The following HNF4G variants were observed in gnomAD, a reference collection of about 807,000 sequenced individuals.
HNF4G encodes the protein hepatocyte nuclear factor 4-gamma.
HNF4G carries 21 observed loss-of-function variants against 50.9 expected under a neutral mutation model. The observed-to-expected ratio is 0.41, with a 90% CI of 0.29 to 0.59. HNF4G has a LOEUF of 0.59. Ranked by LOEUF, HNF4G falls within the 20% of genes least tolerant of loss-of-function variation. HNF4G has a pLI of 0.26. For missense variants in HNF4G, 527 were observed against 559.4 expected, an observed-to-expected ratio of 0.94 and a Z score of 0.58; for synonymous variants, 198 against 185.6, an observed-to-expected ratio of 1.07 and a Z score of -0.54.
chr8:75,547,583 A>G lies in HNF4G; in HGVS notation c.288-4A>G, dbSNP rs1402012745. On this transcript the variant is annotated splice_polypyrimidine_tract_variant and splice_region_variant and intron_variant, in intron 2 of 9. Coordinates refer to ENST00000396423, the MANE Select transcript of HNF4G (RefSeq NM_004133.5). The stretch of plus-strand genomic sequence containing the variant: ...CTGCAAACTGATATATCTTTATGTT[A>G]TAGGTTCAGTCGGCAATGTGTTGTT... 6.3e-7 allele frequency: 1 copy of G among 1,586,690 alleles called. No homozygotes were observed. Among genetic ancestry groups the G allele is most frequent in the African/African-American group, 1.3e-5 (1 of 74,264 alleles).
chr8:75,519,528 C>T (rs536043397), intron 2 of HNF4G, among the ~76,000 whole-genome samples: 1 of 152,304 alleles, frequency 6.6e-6, no homozygotes, highest in African/African-American at 2.4e-5. Context: ...AATGGGCTCA[C>T]AGTTCCACGT....
intron 1 of HNF4G, among the ~76,000 whole-genome samples, chr8:75,432,636 C>A (rs936210249): frequency 1.3e-5 from 2 of 152,146 alleles, no homozygotes; most frequent in African/African-American, 4.8e-5. Flanking sequence ...AAAGGAAATT[C>A]TCAAGCAAAA....
chr8:75,468,393 G>A (rs2063213610), intron 1 of HNF4G, among the ~76,000 whole-genome samples: 1 of 152,018 alleles, frequency 6.6e-6, no homozygotes, highest in African/African-American at 2.4e-5. Flanking sequence ...GAATTAAAAG[G>A]TCAACATAAA....
intron 2 of HNF4G, among the ~76,000 whole-genome samples, chr8:75,510,340 A>G (rs1805717277): frequency 6.6e-6 from 1 of 152,190 alleles, no homozygotes; most frequent in Non-Finnish European, 1.5e-5. Flanking sequence ...TGTTATAGTA[A>G]GTTAAGGTTA....
chr8:75,520,062 C>T (rs1417306310), intron 2 of HNF4G, among the ~76,000 whole-genome samples: 3 of 151,476 alleles, frequency 2.0e-5, no homozygotes, highest in Non-Finnish European at 4.4e-5. Context: ...CATTTTACTT[C>T]TTTTGTTTAC....
intron 1 of HNF4G, among the ~76,000 whole-genome samples, 179 bp from the exon 2 acceptor site, chr8:75,543,632 G>C (rs542486565): frequency 6.6e-6 from 1 of 152,224 alleles, no homozygotes; most frequent in East Asian, 1.9e-4. Context: ...TAAATGTTCA[G>C]AAATAAGAAA....
At position 75,565,901 on chromosome 8, in the gene HNF4G, T is replaced by C. The variant is rs1563558925; in HGVS notation, c.*1805T>C. ...TTGTGAAACTGTAAAATATATCATA[T>C]GGGGGGAGTTTTTTAACTCTTATTT... On this transcript the variant is annotated 3_prime_UTR_variant, in exon 10 of 10. Transcript: ENST00000396423. 4.6e-5 allele frequency: 7 copies of C among 152,114 alleles called. No individual in the cohort carries two copies. Among genetic ancestry groups the C allele is most frequent in the Non-Finnish European group, 1.5e-5 (1 of 68,018 alleles). 9.4% of individuals were successfully genotyped at this position (152,114 alleles called of 1,614,324 possible).
intron 1 of HNF4G, among the ~76,000 whole-genome samples, chr8:75,481,888 T>C (rs1812388962): frequency 6.6e-6 from 1 of 152,198 alleles, no homozygotes; most frequent in Non-Finnish European, 1.5e-5. Flanking sequence ...GACTCTGGAC[T>C]GCATACCCTG....
At chr8:75,512,681 G>T (rs1805790264) in intron 2 of HNF4G, among the ~76,000 whole-genome samples, 1 of 151,842 alleles carries the variant, frequency 6.6e-6, no homozygotes, top group African/African-American at 2.4e-5. Context: ...AGCCAGGATG[G>T]TCTCGATATC....
chr8:75,515,123 G>C (rs1002938468), intron 2 of HNF4G, among the ~76,000 whole-genome samples: 6 of 152,140 alleles, frequency 3.9e-5, no homozygotes, highest in African/African-American at 1.4e-4. Context: ...TCTTTCCAGT[G>C]TTCCATTGCT....
chr8:75,443,817 A>G (rs1811351573), intron 1 of HNF4G, among the ~76,000 whole-genome samples: 1 of 152,190 alleles, frequency 6.6e-6, no homozygotes, highest in South Asian at 2.1e-4. Flanking sequence ...TCATTTGACC[A>G]AATAAAATTT....
chr8:75,519,126 A>G (rs1805972756), intron 2 of HNF4G, among the ~76,000 whole-genome samples: 2 of 152,230 alleles, frequency 1.3e-5, no homozygotes, highest in Admixed American at 1.3e-4. Context: ...AAAGTTCCAC[A>G]GATCTCTAGG....
Position 75,501,186 on chromosome 8 carries a change from T to A in HNF4G, c.-24+10978T>A, listed in dbSNP as rs531974238. On this transcript the variant is annotated intron_variant, in intron 2 of 10. Coordinates refer to the HNF4G transcript ENST00000354370. ...TGGCCAAGGTGGCTCATACCAGTAATCCCAGCACATTGGGAGGCCAATGTG... is the reference window on the plus strand; with the variant it reads ...TGGCCAAGGTGGCTCATACCAGTAAACCCAGCACATTGGGAGGCCAATGTG... Among the ~76,000 whole-genome samples, 4 of 152,212 alleles carry A rather than the reference T, an allele frequency of 2.6e-5. No homozygotes were observed. The South Asian group carries it at 8.3e-4, about 32-fold the overall frequency.
At chr8:75,493,155 A>C (rs1327803948) in intron 2 of HNF4G, among the ~76,000 whole-genome samples, 1 of 152,106 alleles carries the variant, frequency 6.6e-6, no homozygotes, top group Non-Finnish European at 1.5e-5. Flanking sequence ...TATTTAGTAA[A>C]ATTTGGGAAG....
intron 9 of HNF4G, among the ~76,000 whole-genome samples, chr8:75,561,312 G>T (rs547218216): frequency 6.6e-6 from 1 of 152,096 alleles, no homozygotes; most frequent in Non-Finnish European, 1.5e-5. Context: ...CAACAGCAGC[G>T]GCAACATTCC....
chr8:75,513,832 T>A (rs1805818248), intron 2 of HNF4G, among the ~76,000 whole-genome samples: 1 of 151,676 alleles, frequency 6.6e-6, no homozygotes, highest in South Asian at 2.1e-4. Context: ...TTATATTTTT[T>A]ATTTCTGATT....
In HNF4G at chr8:75,558,993, G is replaced by A; in HGVS notation, c.1079G>A (p.Gly360Glu). ...IEQIQFVKLF[G>E]MVKIDNLLQE... ...CAAATACAGTTTGTTAAACTTTTTG[G>A]GATGGTTAAAATTGACAATCTACTT... Residue 360 changes from glycine to glutamate, a missense_variant, in exon 8 of 10, where the codon GGG (glycine) becomes GAG (glutamate). This residue lies in a region of HNF4G where 308 missense variants were observed against 301.5 expected (regional missense o/e 1.02). Coordinates refer to ENST00000396423, the MANE Select transcript of HNF4G (RefSeq NM_004133.5). 4.3e-6 allele frequency: 7 copies of A among 1,613,274 alleles called. No homozygotes were observed. Among genetic ancestry groups the A allele is most frequent in the Non-Finnish European group, 5.9e-6 (7 of 1,179,296 alleles).
chr8:75,518,666 A>G (rs1237061288), intron 2 of HNF4G, among the ~76,000 whole-genome samples: 1 of 152,160 alleles, frequency 6.6e-6, no homozygotes, highest in Non-Finnish European at 1.5e-5. Context: ...GGCCACATTT[A>G]GCCACAGCTG....
intron 2 of HNF4G, among the ~76,000 whole-genome samples, chr8:75,502,833 G>T (rs1812967403): frequency 6.6e-6 from 1 of 152,172 alleles, no homozygotes; most frequent in African/African-American, 2.4e-5. Context: ...GGCTATTCAT[G>T]ATATTGTCTG....
Sources: allele counts gnomAD v4.1 joint callset (sites outside exome capture counted in the v4.1 genomes callset), GRCh38; gene constraint gnomAD v4.1.1; regional missense constraint gnomAD v4.1.1; transcripts MANE v1.5; gene names NCBI Gene and HGNC (gene_info 2026-07-23, HGNC 2026-07-21).